GJA1: variants seen among roughly 807,000 people sequenced by gnomAD.
GJA1 encodes the protein gap junction alpha-1 protein.
GJA1 carries 9 observed loss-of-function variants against 31.0 expected under a neutral mutation model. That is an observed-to-expected ratio of 0.29 (90% CI 0.17 to 0.51). GJA1 has a LOEUF of 0.51. Ranked by LOEUF, GJA1 falls within the 20% of genes least tolerant of loss-of-function variation. The pLI is 0.98. For missense variants in GJA1, 278 were observed against 468.8 expected (o/e 0.59, Z 3.76); for synonymous variants, 186 against 180.1 (o/e 1.03, Z -0.26).
At chr6:121,437,992 C>T (rs1453790540) in intron 1 of GJA1, among the ~76,000 whole-genome samples, 2 of 152,040 alleles carry the variant, frequency 1.3e-5, no homozygotes, top group African/African-American at 4.8e-5. Flanking sequence ...GAGCGCTCCC[C>T]TCCCCCCCGC....
At chr6:121,441,406 A>G (rs1049763640) in intron 1 of GJA1, among the ~76,000 whole-genome samples, 41 of 152,190 alleles carry the variant, frequency 2.7e-4, no homozygotes, top group Non-Finnish European at 1.8e-4. Flanking sequence ...CACTGGGGAT[A>G]CAGCAGTGAA....
chr6:121,438,016 T>G (rs184630736), intron 1 of GJA1, among the ~76,000 whole-genome samples: 64 of 151,978 alleles, frequency 4.2e-4, no homozygotes, highest in African/African-American at 1.5e-3. Flanking sequence ...AGGAATGAAA[T>G]AAGCCAGTTA....
intron 1 of GJA1, among the ~76,000 whole-genome samples, chr6:121,441,474 C>T (rs1773780215): frequency 6.6e-6 from 1 of 152,126 alleles, no homozygotes; most frequent in Non-Finnish European, 1.5e-5. Flanking sequence ...ATAATAAATC[C>T]TTCTCATGGA....
intron 1 of GJA1, among the ~76,000 whole-genome samples, chr6:121,439,302 GTTAT>G (rs1169711610): frequency 6.6e-6 from 1 of 152,096 alleles, no homozygotes; most frequent in African/African-American, 2.4e-5. Flanking sequence ...ACATGCATGA[GTTAT>G]TTATTAAATT....
Position 121,447,919 on chromosome 6 carries a change from A to G in GJA1, c.1072A>G (p.Ile358Val), listed in dbSNP as rs779708355. Residue 358 changes from isoleucine to valine, a missense_variant, in exon 2 of 2, where the codon ATT becomes GTT. Ile to Val is a conservative substitution (Grantham distance 29). Coordinates refer to ENST00000282561, the MANE Select transcript of GJA1 (RefSeq NM_000165.5). ...TGGACATGAATTACAGCCACTAGCC[A>G]TTGTGGACCAGCGACCTTCAAGCAG... Reference protein sequence around the residue: ...AAGHELQPLAIVDQRPSSRAS... With the variant: ...AAGHELQPLAVVDQRPSSRAS... 1.2e-5 allele frequency: 19 copies of G among 1,613,822 alleles called. No homozygotes were observed. The highest frequency in any genetic ancestry group is 2.2e-5 in the East Asian group (1 of 44,850).
rs201088822 is a variant in GJA1 at position 121,447,258 on chromosome 6, C to T, written c.411C>T (p.Tyr137=). ...AGATTGAGATAAAGAAGTTCAAGTA[C>T]GGTATTGAAGAGCATGGTAAGGTGA... is the stretch of plus-strand genomic sequence containing the variant. The part of the protein sequence containing the change: ...LKQIEIKKFK[Y]GIEEHGKVKM... The change falls in exon 2 of 2, where the codon TAC becomes TAT. Residue 137 remains tyrosine, a synonymous_variant. Coordinates refer to ENST00000282561, the MANE Select transcript of GJA1 (RefSeq NM_000165.5). 2.0e-4 allele frequency: 317 copies of T among 1,613,956 alleles called. No homozygotes were observed. The highest frequency in any genetic ancestry group is 2.6e-4 in the Non-Finnish European group (303 of 1,180,034).
In GJA1 at chr6:121,436,179, TTGGG is replaced by T. The variant is rs895714332; in HGVS notation, c.-17+352_-17+355del. Among the ~76,000 whole-genome samples the T allele has an allele frequency of 5.4e-4, 15 of 27,796 alleles. 1 individual carries two copies. The highest frequency in any genetic ancestry group is 1.5e-3 in the African/African-American group (5 of 3,392). The allele number at this position is 27,796 out of a possible 152,430, so 18.2% of individuals were successfully genotyped here. On this transcript the variant is annotated intron_variant, in intron 1 of 1. Transcript: ENST00000282561. ...GTAATAGTCTAGGTGCTATCATTTG[TTGGG>T]TGGGGGGGGGGCGGTTAGGCGCCTG...
At chr6:121,438,805 ATAT>A (rs1399394824) in intron 1 of GJA1, among the ~76,000 whole-genome samples, 3 of 152,076 alleles carry the variant, frequency 2.0e-5, no homozygotes, top group Non-Finnish European at 4.4e-5. Context: ...ATTAATGTAT[ATAT>A]TTTTTAAATT....
rs1773935984 is a variant in GJA1, at chr6:121,448,817, T to A, written c.*821T>A. The stretch of plus-strand genomic sequence containing the variant: ...CCATGCTTAATATTTAACAATCACT[T>A]ATATGTGTGTCGAAGAGTTTGTTTT... On this transcript the variant is annotated 3_prime_UTR_variant, in exon 2 of 2. Coordinates refer to ENST00000282561, the MANE Select transcript of GJA1 (RefSeq NM_000165.5). The A allele has an allele frequency of 3.0e-5, 5 of 167,118 alleles. No individual in the cohort carries two copies. The highest frequency in any genetic ancestry group is 2.6e-4 in the Admixed American group (4 of 15,294). 10.4% of individuals were successfully genotyped at this position (167,118 alleles called of 1,614,324 possible). A position where few individuals can be genotyped will look rare whatever the true frequency, so the allele number is the denominator to read the frequency against.
intron 1 of GJA1, 44 bp from the exon 2 acceptor site, chr6:121,446,788 A>G (rs1470271991): frequency 3.2e-5 from 38 of 1,188,096 alleles, no homozygotes; most frequent in Non-Finnish European, 4.8e-5. Flanking sequence ...TAAACTAGTA[A>G]TTTGCAATCT....
chr6:121,445,561 A>T (rs1332420087), intron 1 of GJA1, among the ~76,000 whole-genome samples: 1 of 144,626 alleles, frequency 6.9e-6, no homozygotes, highest in South Asian at 2.4e-4. Context: ...CCAGTAAGGG[A>T]ACTTTAAAGT....
chr6:121,442,944 A>G (rs1318260202), intron 1 of GJA1, among the ~76,000 whole-genome samples: 1 of 152,230 alleles, frequency 6.6e-6, no homozygotes, highest in Non-Finnish European at 1.5e-5. Flanking sequence ...TGGTCTACAT[A>G]TAAAGCACCA....
intron 1 of GJA1, among the ~76,000 whole-genome samples, chr6:121,445,159 C>G (rs180712331): frequency 1.8e-4 from 27 of 152,126 alleles, no homozygotes; most frequent in African/African-American, 6.5e-4. Context: ...TACTGACTTA[C>G]ATCTTTTTAG....
intron 1 of GJA1, among the ~76,000 whole-genome samples, chr6:121,440,366 T>C (rs1773749590): frequency 1.3e-5 from 2 of 152,174 alleles, no homozygotes; most frequent in South Asian, 4.1e-4. Context: ...AAGCCTTTTT[T>C]CTTTTTTCTT....
chr6:121,445,430 C>T (rs1056530766), intron 1 of GJA1, among the ~76,000 whole-genome samples: 3 of 152,136 alleles, frequency 2.0e-5, no homozygotes, highest in African/African-American at 7.2e-5. Context: ...GCATTATAGG[C>T]GTGAGCCACC....
In GJA1 at chr6:121,447,892, G is replaced by A; in HGVS notation, c.1045G>A (p.Ala349Thr). The change falls in exon 2 of 2, where the codon GCT becomes ACT. Residue 349 changes from alanine to threonine, a missense_variant. Around this residue, in one of 3 missense-constraint regions of GJA1, gnomAD observed 172 missense variants for 190.9 expected, o/e 0.90. Transcript: ENST00000282561. Reference sequence around the variant, plus strand: ...TAACCAGAATTCTAAAAAACTAGCTGCTGGACATGAATTACAGCCACTAGC... The same window carrying A: ...TAACCAGAATTCTAAAAAACTAGCTACTGGACATGAATTACAGCCACTAGC... ...DDNQNSKKLA[A>T]GHELQPLAIV... The A allele has an allele frequency of 6.2e-7, 1 of 1,613,836 alleles. No homozygotes were observed.
rs1374645750 is a variant in GJA1, at chr6:121,447,608, T to C, written c.761T>C (p.Leu254Pro). 1 of 1,614,040 alleles carries C rather than the reference T, an allele frequency of 6.2e-7. No individual in the cohort carries two copies. The highest frequency in any genetic ancestry group is 8.5e-7 in the Non-Finnish European group (1 of 1,179,990). ...CCTTACCATGCGACCAGTGGTGCGC[T>C]GAGCCCTGCCAAAGACTGTGGGTCT... ...SDPYHATSGA[L>P]SPAKDCGSQK... Residue 254 changes from leucine to proline, a missense_variant, in exon 2 of 2, where the codon CTG (leucine) becomes CCG (proline). By Grantham distance (98) the Leu-to-Pro change is moderately conservative (BLOSUM62 -3). Transcript: ENST00000282561.
At position 121,447,383 on chromosome 6, in the gene GJA1, T is replaced by A; in HGVS notation, c.536T>A (p.Phe179Tyr). ...FLLIQWYIYG[F>Y]SLSAVYTCKR... ...CTGATCCAGTGGTACATCTATGGAT[T>A]CAGCTTGAGTGCTGTTTACACTTGC... The change falls in exon 2 of 2, where the codon TTC becomes TAC. Residue 179 changes from phenylalanine (F) to tyrosine (Y), a missense_variant. This residue lies in a region of GJA1 where 80 missense variants were observed against 163.5 expected (regional missense o/e 0.49). Transcript: ENST00000282561. 1 of 1,614,000 alleles carries A rather than the reference T, an allele frequency of 6.2e-7. No individual in the cohort carries two copies. The highest frequency in any genetic ancestry group is 8.5e-7 in the Non-Finnish European group (1 of 1,179,906).
At chr6:121,441,016 C>G (rs1034097768) in intron 1 of GJA1, among the ~76,000 whole-genome samples, 2 of 151,982 alleles carry the variant, frequency 1.3e-5, no homozygotes, top group Non-Finnish European at 2.9e-5. Context: ...GATCCCGGCT[C>G]ACTGCAAGCT....
Sources: gnomAD v4.1 joint callset for allele counts (sites outside exome capture counted in the v4.1 genomes callset) on GRCh38, gnomAD v4.1.1 for gene constraint, gnomAD v4.1.1 regional missense constraint, MANE v1.5 for transcripts, NCBI Gene and HGNC (gene_info 2026-07-23, HGNC 2026-07-21) for gene names.